Variants in GFPT2 observed in about 807,000 individuals in gnomAD.
GFPT2 encodes the protein glutamine--fructose-6-phosphate transaminase 2.
A neutral mutation model predicts 85.6 loss-of-function variants in GFPT2; 62 were observed. The observed-to-expected ratio is 0.72, with a 90% confidence interval of 0.59 to 0.90. GFPT2 has a LOEUF of 0.90. Ranked by LOEUF, GFPT2 falls within the 40% of genes least tolerant of loss-of-function variation. GFPT2 has a pLI of 0.00. For synonymous variants in GFPT2, 368 were observed against 344.5 expected, an observed-to-expected ratio of 1.07 and a Z score of -0.75; for missense variants, 788 against 893.4, an observed-to-expected ratio of 0.88 and a Z score of 1.50.
At position 180,318,323 on chromosome 5, in the gene GFPT2, CAG is replaced by C. The variant is rs577298672; in HGVS notation, c.958+468_958+469del. Among the ~76,000 whole-genome samples, 5 of 152,218 alleles carry C rather than the reference CAG, an allele frequency of 3.3e-5. No individual in the cohort carries two copies. The highest frequency in any genetic ancestry group is 4.1e-4 in the South Asian group (2 of 4,826). The stretch of plus-strand genomic sequence containing the variant: ...AGGGCCTTGAGCAGCGGGATGATCA[CAG>C]GGGCTGATTCATGTTCTTAGACGTT... On this transcript the variant is annotated intron_variant, in intron 10 of 18. Coordinates refer to ENST00000253778, the MANE Select transcript of GFPT2 (RefSeq NM_005110.4). The surrounding 1 kb of genome is among the most constrained non-coding windows in gnomAD (Gnocchi z 4.2).
chr5:180,324,772 G>T, intron 8 of GFPT2, 44 bp downstream of exon 8: 1 of 1,283,652 alleles, frequency 7.8e-7, no homozygotes, highest in Non-Finnish European at 1.1e-6. Flanking sequence ...CGAGTCCTGC[G>T]ACACCAGCAG....
intron 7 of GFPT2, among the ~76,000 whole-genome samples, chr5:180,326,447 T>C (rs1471601752): frequency 1.3e-5 from 2 of 152,166 alleles, no homozygotes; most frequent in South Asian, 2.1e-4. Flanking sequence ...AGTCCACATA[T>C]ATCCATAATC....
At chr5:180,316,896 C>G (rs1352299433) in intron 11 of GFPT2, 35 bp from the exon 12 acceptor site, 1 of 1,576,066 alleles carries the variant, frequency 6.3e-7, no homozygotes, top group East Asian at 2.2e-5. Flanking sequence ...AATGCTGAGT[C>G]TACACAGTCA....
chr5:180,322,083 G>A (rs188652044), intron 9 of GFPT2, among the ~76,000 whole-genome samples: 21 of 152,220 alleles, frequency 1.4e-4, no homozygotes, highest in African/African-American at 2.6e-4. Context: ...CACCACGCCC[G>A]GCCTGGACAG....
chr5:180,341,739 A>C (rs1341639659), intron 1 of GFPT2, among the ~76,000 whole-genome samples: 1 of 152,166 alleles, frequency 6.6e-6, no homozygotes, highest in Non-Finnish European at 1.5e-5. Flanking sequence ...AGAGGAGCTG[A>C]ATGTATGGGC....
chr5:180,332,777 C>A (rs1049827173), intron 4 of GFPT2, among the ~76,000 whole-genome samples: 2 of 152,178 alleles, frequency 1.3e-5, no homozygotes, highest in East Asian at 3.9e-4. Flanking sequence ...TGACCTCAGG[C>A]GATCCACCCA....
At position 180,324,297 on chromosome 5, in the gene GFPT2, C is replaced by G; in HGVS notation, c.685G>C (p.Glu229Gln). The G allele has an allele frequency of 6.3e-7, 1 of 1,579,248 alleles. No individual in the cohort carries two copies. Among genetic ancestry groups the G allele is most frequent in the Non-Finnish European group, 8.7e-7 (1 of 1,152,664 alleles). Residue 229 changes from glutamate to glutamine, a missense_variant, in exon 9 of 19, where the codon GAG (glutamate) becomes CAG (glutamine). Coordinates refer to ENST00000253778, the MANE Select transcript of GFPT2 (RefSeq NM_005110.4). ...GTCTTACAGATATTCTTCACATTCT[C>G]CAGAGTGCCTAGCAAATGGAGGAAT... ...IPILYRTCTLENVKNICKTRM... is the reference protein window; with the variant it reads ...IPILYRTCTLQNVKNICKTRM...
At chr5:180,332,215 C>T (rs1400593736) in intron 4 of GFPT2, among the ~76,000 whole-genome samples, 2 of 140,482 alleles carry the variant, frequency 1.4e-5, no homozygotes, top group Non-Finnish European at 1.6e-5. Flanking sequence ...GGTAGCACCC[C>T]GCTGATCCTG....
At position 180,323,780 on chromosome 5, in the gene GFPT2, G is replaced by C. The variant is rs1243206448; in HGVS notation, c.794+408C>G. Among the ~76,000 whole-genome samples, 2 of 152,198 alleles carry C rather than the reference G, an allele frequency of 1.3e-5. No homozygotes were observed. Among genetic ancestry groups the C allele is most frequent in the African/African-American group, 4.8e-5 (2 of 41,442 alleles). ...TCTAGACACAGTTGTCTCATCTAAA[G>C]GGGGCAGCCTTTGAGCAGATCCAGA... On this transcript the variant is annotated intron_variant, in intron 9 of 18. Coordinates refer to ENST00000253778, the MANE Select transcript of GFPT2 (RefSeq NM_005110.4). The surrounding 1 kb of genome is among the most constrained non-coding windows in gnomAD (Gnocchi z 4.0).
chr5:180,334,077 G>C (rs965151444), intron 4 of GFPT2, among the ~76,000 whole-genome samples: 1 of 152,152 alleles, frequency 6.6e-6, no homozygotes, highest in African/African-American at 2.4e-5. Context: ...AGCACCATGG[G>C]GTCTGCTGTC....
At chr5:180,325,942 T>C (rs1267016194) in intron 7 of GFPT2, among the ~76,000 whole-genome samples, 1 of 152,128 alleles carries the variant, frequency 6.6e-6, no homozygotes, top group Non-Finnish European at 1.5e-5. Flanking sequence ...AGAGAATCAC[T>C]TGAACCCGGG....
rs1338235217 is a variant in GFPT2 at position 180,328,212 on chromosome 5, C to T, written c.596+65G>A. 4.1e-6 allele frequency: 5 copies of T among 1,213,084 alleles called. No individual in the cohort carries two copies. Among genetic ancestry groups the T allele is most frequent in the Non-Finnish European group, 1.2e-6 (1 of 814,458 alleles). The allele number at this position is 1,213,084 out of a possible 1,614,324, so 75.1% of individuals were successfully genotyped here. A position where few individuals can be genotyped will look rare whatever the true frequency, so the allele number is the denominator to read the frequency against. ...GCCACAGGCCCTACCTCTCCCGTCT[C>T]CCTCCAGCTAAGTGATTTTATTTTC... On this transcript the variant is annotated intron_variant, in intron 7 of 18. Coordinates refer to ENST00000253778, the MANE Select transcript of GFPT2 (RefSeq NM_005110.4). This position sits in a 1 kb window ranked among gnomAD's most constrained non-coding sequence, Gnocchi z 5.4.
At chr5:180,327,979 C>T (rs1481723023) in intron 7 of GFPT2, among the ~76,000 whole-genome samples, 1 of 152,208 alleles carries the variant, frequency 6.6e-6, no homozygotes, top group African/African-American at 2.4e-5. Context: ...CCTGGATCTG[C>T]CCTGTCTGTA....
At position 180,318,257 on chromosome 5, in the gene GFPT2, G is replaced by A. The variant is rs1476976082; in HGVS notation, c.958+536C>T. On this transcript the variant is annotated intron_variant, in intron 10 of 18. Coordinates refer to ENST00000253778, the MANE Select transcript of GFPT2 (RefSeq NM_005110.4). This position sits in a 1 kb window ranked among gnomAD's most constrained non-coding sequence, Gnocchi z 4.2. ...GTGTGGGGTTTGTGGGCTGTGGCAGGGAGTTTGGATTTTATTCTAAGAACA... is the reference window on the plus strand; with the variant it reads ...GTGTGGGGTTTGTGGGCTGTGGCAGAGAGTTTGGATTTTATTCTAAGAACA... Among the ~76,000 whole-genome samples the A allele has an allele frequency of 1.3e-5, 2 of 152,158 alleles. No homozygotes were observed.
At position 180,302,502 on chromosome 5, in the gene GFPT2, A is replaced by G; in HGVS notation, c.1925T>C (p.Val642Ala). 1 of 1,614,082 alleles carries G rather than the reference A, an allele frequency of 6.2e-7. No individual in the cohort carries two copies. Among genetic ancestry groups the G allele is most frequent in the African/African-American group, 1.3e-5 (1 of 75,050 alleles). ...AYKTIELPHTVDCLQGILSVI... is the reference protein window; with the variant it reads ...AYKTIELPHTADCLQGILSVI... ...GCTCAGGATGCCCTGGAGGCAGTCC[A>G]CAGTGTGGGGCAGCTCAATTGTCTT... is the stretch of plus-strand genomic sequence containing the variant. The change falls in exon 18 of 19, where the codon GTG becomes GCG. Residue 642 changes from valine to alanine, a missense_variant. Coordinates refer to ENST00000253778, the MANE Select transcript of GFPT2 (RefSeq NM_005110.4).
chr5:180,348,021 C>G (rs1267288032), intron 1 of GFPT2, among the ~76,000 whole-genome samples: 1 of 152,262 alleles, frequency 6.6e-6, no homozygotes, highest in East Asian at 1.9e-4. Flanking sequence ...AGCCAGTGCT[C>G]CACACAGGAC....
At chr5:180,342,933 GA>G (rs887341772) in intron 1 of GFPT2, among the ~76,000 whole-genome samples, 30 of 151,648 alleles carry the variant, frequency 2.0e-4, no homozygotes, top group African/African-American at 6.1e-4. Context: ...AAGAAAGAAA[GA>G]AAAAAACAAC....
chr5:180,308,014 T>G (rs1390787682), intron 15 of GFPT2, among the ~76,000 whole-genome samples: 1 of 152,088 alleles, frequency 6.6e-6, no homozygotes, highest in African/African-American at 2.4e-5. Context: ...CCCAGCACTT[T>G]GGAAGGCTGG....
In GFPT2 at chr5:180,330,073, C is replaced by T. The variant is rs187502959; in HGVS notation, c.534+627G>A. Reference sequence around the variant, plus strand: ...AGTGGCTCACGCCTGTAAATCCCAGCATTTTGGGAGGCCAAGGCAGGTGGA... The same window carrying T: ...AGTGGCTCACGCCTGTAAATCCCAGTATTTTGGGAGGCCAAGGCAGGTGGA... On this transcript the variant is annotated intron_variant, in intron 6 of 18. Coordinates refer to ENST00000253778, the MANE Select transcript of GFPT2 (RefSeq NM_005110.4). The surrounding 1 kb of genome is among the most constrained non-coding windows in gnomAD (Gnocchi z 4.4). Among the ~76,000 whole-genome samples, 1 of 152,344 alleles carries T rather than the reference C, an allele frequency of 6.6e-6. No homozygotes were observed. The highest frequency in any genetic ancestry group is 1.9e-4 in the East Asian group (1 of 5,190).
Sources: gnomAD v4.1 joint callset for allele counts (sites outside exome capture counted in the v4.1 genomes callset) on GRCh38, gnomAD v4.1.1 for gene constraint, Gnocchi (gnomAD v3.1) non-coding constraint, MANE v1.5 for transcripts, NCBI Gene and HGNC (gene_info 2026-07-23, HGNC 2026-07-21) for gene names.